DIP2A: variants seen among roughly 807,000 people sequenced by gnomAD.
The protein encoded by DIP2A is disco-interacting protein 2 homolog A.
Under a neutral mutation model 177.4 loss-of-function variants are expected in DIP2A, and 85 were observed. The ratio of observed to expected loss-of-function variants is 0.48; its 90% CI spans 0.40 to 0.57. DIP2A has a LOEUF of 0.57. Among genes scored for constraint, DIP2A ranks in the 20% least tolerant of loss-of-function variants. The pLI is 0.00. For synonymous variants in DIP2A, 886 were observed against 881.8 expected (o/e 1.00, Z -0.08); for missense variants, 1,791 against 2,100.2 (o/e 0.85, Z 2.88).
intron 12 of DIP2A, among the ~76,000 whole-genome samples, 156 bp downstream of exon 12, chr21:46,534,269 A>G (rs2059470032): frequency 6.6e-6 from 1 of 152,170 alleles, no homozygotes; most frequent in African/African-American, 2.4e-5. Context: ...TGTCATATAA[A>G]TCCTTGCTCA....
rs540859560 is a variant in DIP2A at position 46,548,851 on chromosome 21, C to T, written c.2523-920C>T. On this transcript the variant is annotated intron_variant, in intron 21 of 37. Coordinates refer to ENST00000417564, the MANE Select transcript of DIP2A (RefSeq NM_015151.4). ...ATGTTGAGCTTATCTGTATTCTCAC[C>T]ATGGACCACACAAAAGCCAAGCAAA... Among the ~76,000 whole-genome samples the T allele has an allele frequency of 7.9e-5, 12 of 152,308 alleles. No individual in the cohort carries two copies. In the South Asian group the frequency reaches 2.5e-3, roughly 32 times the overall value.
chr21:46,459,299 C>T, intron 1 of DIP2A, 77 bp downstream of exon 1: 1 of 1,278,176 alleles, frequency 7.8e-7, no homozygotes, highest in Non-Finnish European at 1.0e-6. Flanking sequence ...CTCCGGGACC[C>T]CCGCGCGGCC....
intron 6 of DIP2A, among the ~76,000 whole-genome samples, chr21:46,505,074 A>C (rs909979666): frequency 6.6e-6 from 1 of 152,190 alleles, no homozygotes; most frequent in East Asian, 1.9e-4. Context: ...ATTTAAATAA[A>C]AATTAAGAGG....
At chr21:46,544,384 A>G (rs915836666) in intron 18 of DIP2A, among the ~76,000 whole-genome samples, 1 of 152,192 alleles carries the variant, frequency 6.6e-6, no homozygotes, top group Non-Finnish European at 1.5e-5. Flanking sequence ...AGGGTGGTTC[A>G]TTGGGGAACT....
chr21:46,523,735 T>G (rs2058937624), intron 8 of DIP2A, among the ~76,000 whole-genome samples: 1 of 152,150 alleles, frequency 6.6e-6, no homozygotes, highest in African/African-American at 2.4e-5. Context: ...TTTTAACTGC[T>G]CGAGATAACC....
At chr21:46,470,245 C>T (rs539191422) in intron 1 of DIP2A, among the ~76,000 whole-genome samples, 65 of 152,224 alleles carry the variant, frequency 4.3e-4, no homozygotes, top group African/African-American at 1.5e-3. Context: ...GAGGCCAAGG[C>T]GGGCGGATCA....
chr21:46,483,128 A>G (rs1442821395), intron 1 of DIP2A, among the ~76,000 whole-genome samples: 3 of 152,128 alleles, frequency 2.0e-5, no homozygotes, highest in African/African-American at 7.2e-5. Flanking sequence ...AGGTGTGCTC[A>G]TTGCATTGAG....
intron 5 of DIP2A, among the ~76,000 whole-genome samples, chr21:46,500,856 C>T (rs2057610854): frequency 6.6e-6 from 1 of 152,126 alleles, no homozygotes; most frequent in Non-Finnish European, 1.5e-5. Context: ...AGGTTTATTA[C>T]CTATGTTGGT....
chr21:46,540,643 G>A (rs2059775727), intron 17 of DIP2A, among the ~76,000 whole-genome samples: 1 of 152,118 alleles, frequency 6.6e-6, no homozygotes, highest in Admixed American at 6.5e-5. Flanking sequence ...AGCCTCAATT[G>A]TAATCTTGTA....
At position 46,567,872 on chromosome 21, in the gene DIP2A, G is replaced by A. The variant is rs570801272; in HGVS notation, c.*250G>A. 29 of 422,734 alleles carry A rather than the reference G, an allele frequency of 6.9e-5. No homozygotes were observed. In the Admixed American group the frequency reaches 7.5e-4, roughly 11 times the overall value. The allele number at this position is 422,734 out of a possible 1,614,324, so 26.2% of individuals were successfully genotyped here. On this transcript the variant is annotated 3_prime_UTR_variant, in exon 38 of 38. Transcript: ENST00000417564. ...TTTAACAGATGGAGAGACAAGGAAA[G>A]GAAAGGAAAGGCCTGGCATGGGCAT...
At chr21:46,523,273 C>T (rs112359951) in intron 8 of DIP2A, among the ~76,000 whole-genome samples, 1 of 145,956 alleles carries the variant, frequency 6.9e-6, no homozygotes, top group South Asian at 2.2e-4. Context: ...CTGGCTCTGT[C>T]GCCCAGGCTG....
intron 6 of DIP2A, among the ~76,000 whole-genome samples, chr21:46,506,227 C>G (rs2057975049): frequency 6.6e-6 from 1 of 152,166 alleles, no homozygotes; most frequent in South Asian, 2.1e-4. Flanking sequence ...AAGCGATTCT[C>G]CTGCCTCACC....
intron 18 of DIP2A, among the ~76,000 whole-genome samples, chr21:46,544,786 G>T (rs991204161): frequency 2.6e-5 from 4 of 152,144 alleles, no homozygotes; most frequent in African/African-American, 9.7e-5. Flanking sequence ...ATGGTCAGGA[G>T]CCAGGGCCAG....
rs370320414 is a variant in DIP2A, at chr21:46,554,897, G to A, written c.3352G>A (p.Val1118Met). Residue 1118 changes from valine to methionine, a missense_variant, in exon 28 of 38, where the codon GTG becomes ATG. Val to Met is a conservative substitution (Grantham distance 21, BLOSUM62 1). Transcript: ENST00000417564. Reference protein sequence around the residue: ...LLRSKEAAAAVDIRTWPTILD... With the variant: ...LLRSKEAAAAMDIRTWPTILD... ...CAGGTCCAAGGAGGCTGCTGCTGCC[G>A]TGGACATCAGGACCTGGCCCACCAT... 9.0e-6 allele frequency: 14 copies of A among 1,552,462 alleles called. No individual in the cohort carries two copies. Among genetic ancestry groups the A allele is most frequent in the South Asian group, 2.4e-5 (2 of 84,106 alleles).
rs1455607592 is a variant in DIP2A, at chr21:46,484,055, C to T, written c.92-702C>T. On this transcript the variant is annotated intron_variant, in intron 1 of 37. Transcript: ENST00000417564. ...CCTTATGATAATTTACTGGAACAGC[C>T]GTCCTTTTTCCTCCTTTCCCAAGGA... Among the ~76,000 whole-genome samples, 6 of 152,108 alleles carry T rather than the reference C, an allele frequency of 3.9e-5. No individual in the cohort carries two copies. The South Asian group carries it at 6.2e-4, about 16-fold the overall frequency.
chr21:46,571,972 T>C (rs1373755919), downstream of DIP2A, among the ~76,000 whole-genome samples: 1 of 152,212 alleles, frequency 6.6e-6, no homozygotes, highest in African/African-American at 2.4e-5. Flanking sequence ...ATCCTTGTCT[T>C]GTGCCGGTTT....
chr21:46,486,487 C>A (rs2056705821), intron 2 of DIP2A, among the ~76,000 whole-genome samples: 1 of 152,220 alleles, frequency 6.6e-6, no homozygotes, highest in Non-Finnish European at 1.5e-5. Flanking sequence ...AGCCACCACA[C>A]CTTCCCTTAA....
In DIP2A at chr21:46,560,787, A is replaced by G; in HGVS notation, c.4031+4A>G. The G allele has an allele frequency of 6.2e-7, 1 of 1,603,394 alleles. No individual in the cohort carries two copies. Among genetic ancestry groups the G allele is most frequent in the Non-Finnish European group, 8.5e-7 (1 of 1,175,304 alleles). The stretch of plus-strand genomic sequence containing the variant: ...TGCGGGCACTGCGCCATGACAGGTA[A>G]TGCTCCCAGCCTGCCTGGGCCCCAT... On this transcript the variant is annotated splice_donor_region_variant and intron_variant, in intron 33 of 37. Coordinates refer to ENST00000417564, the MANE Select transcript of DIP2A (RefSeq NM_015151.4).
chr21:46,523,082 T>C (rs1313327386), intron 8 of DIP2A, among the ~76,000 whole-genome samples: 1 of 151,634 alleles, frequency 6.6e-6, no homozygotes, highest in Admixed American at 6.6e-5. Context: ...TGTGCCACCA[T>C]GCCCAGCTAA....
Sources: gnomAD v4.1 joint callset for allele counts (sites outside exome capture counted in the v4.1 genomes callset) on GRCh38, gnomAD v4.1.1 for gene constraint, MANE v1.5 for transcripts, NCBI Gene and HGNC (gene_info 2026-07-23, HGNC 2026-07-21) for gene names.